The following DMGDH variants were observed in gnomAD, a reference collection of about 807,000 sequenced individuals.
The protein encoded by DMGDH is dimethylglycine dehydrogenase, mitochondrial.
Under a neutral mutation model 95.2 loss-of-function variants are expected in DMGDH, and 76 were observed. The ratio of observed to expected loss-of-function variants is 0.80; its 90% CI spans 0.66 to 0.97. DMGDH has a LOEUF of 0.97. DMGDH is among the 50% of genes least tolerant of loss of function. The pLI is 0.00. For synonymous variants in DMGDH, 345 were observed against 377.6 expected, an observed-to-expected ratio of 0.91 and a Z score of 1.00; for missense variants, 987 against 1,055.0, an observed-to-expected ratio of 0.94 and a Z score of 0.89.
chr5:79,021,283 T>C, intron 14 of DMGDH: 3 of 1,080,840 alleles, frequency 2.8e-6, no homozygotes, highest in Middle Eastern at 4.5e-4. Context: ...TCCCTACAGC[T>C]TTAGTTCCTG....
rs564751250 is a variant in DMGDH at position 79,042,344 on chromosome 5, T to C, written c.1132A>G (p.Ile378Val). Residue 378 changes from isoleucine to valine, a missense_variant, in exon 7 of 16, where the codon ATT (isoleucine) becomes GTT (valine). Ile to Val is a conservative substitution (Grantham distance 29). Transcript: ENST00000255189. ...VNGPITYSPD[I>V]LPMVGPHQGV... ...TGATGGGGCCCCACCATAGGCAGAA[T>C]GTCAGGAGAATACGTGATAGGACCA... 17 of 1,614,222 alleles carry C rather than the reference T, an allele frequency of 1.1e-5. No individual in the cohort carries two copies. In the South Asian group the frequency reaches 1.6e-4, roughly 16 times the overall value.
At chr5:79,016,071 A>G (rs1753727335) in intron 14 of DMGDH, among the ~76,000 whole-genome samples, 1 of 151,834 alleles carries the variant, frequency 6.6e-6, no homozygotes, top group African/African-American at 2.4e-5. Flanking sequence ...CGTCTCTACT[A>G]AAAAAATACA....
chr5:79,032,394 G>T (rs1990900), intron 9 of DMGDH, among the ~76,000 whole-genome samples: 3 of 152,160 alleles, frequency 2.0e-5, no homozygotes, highest in Non-Finnish European at 4.4e-5. Context: ...ACTGAAGCCA[G>T]GTGGGAATTT....
At chr5:79,033,189 C>A in intron 8 of DMGDH, 50 bp downstream of exon 8, 1 of 1,608,814 alleles carries the variant, frequency 6.2e-7, no homozygotes, top group South Asian at 1.1e-5. Flanking sequence ...AGAGATGCTA[C>A]AATTCAATTC....
At chr5:79,029,392 G>A (rs947841640) in intron 11 of DMGDH, among the ~76,000 whole-genome samples, 11 of 152,126 alleles carry the variant, frequency 7.2e-5, no homozygotes, top group African/African-American at 2.7e-4. Flanking sequence ...ATAGAATGAA[G>A]ATTCATGTAA....
At chr5:79,021,100 T>C (rs1753855604) in intron 14 of DMGDH, 3 of 986,012 alleles carry the variant, frequency 3.0e-6, no homozygotes, top group Non-Finnish European at 3.6e-6. Flanking sequence ...GGTGAAGCGT[T>C]TTTAGTTAAG....
At chr5:79,064,876 T>C (rs903367922) in intron 1 of DMGDH, among the ~76,000 whole-genome samples, 21 of 152,146 alleles carry the variant, frequency 1.4e-4, no homozygotes, top group African/African-American at 5.1e-4. Context: ...CAGCCTCCCA[T>C]GTAGCTGGGA....
intron 7 of DMGDH, among the ~76,000 whole-genome samples, chr5:79,037,382 T>A (rs188357565): frequency 8.6e-4 from 131 of 152,262 alleles, no homozygotes; most frequent in Middle Eastern, 3.4e-3. Context: ...ACCACTGGCC[T>A]CCAGAGCCAT....
chr5:79,000,515 C>A, intron 15 of DMGDH: 1 of 598,188 alleles, frequency 1.7e-6, no homozygotes. Flanking sequence ...ATGCCATGAT[C>A]AATCAGAGAT....
intron 5 of DMGDH, among the ~76,000 whole-genome samples, chr5:79,050,248 CAAAAAAAAAAAAAAA>C (rs57662602): frequency 5.1e-5 from 4 of 78,650 alleles, no homozygotes; most frequent in East Asian, 3.0e-4. Flanking sequence ...AACTTTGTCT[CAAAAAAAAAAAAAAA>C]AAAAAAAAAA....
chr5:79,003,575 G>A (rs542440424), intron 15 of DMGDH, among the ~76,000 whole-genome samples: 15 of 152,346 alleles, frequency 9.8e-5, no homozygotes, highest in African/African-American at 2.4e-4. Flanking sequence ...AGGCACTTGA[G>A]ATCTGAGAAA....
chr5:79,060,882 T>A (rs901486477), intron 2 of DMGDH, among the ~76,000 whole-genome samples: 5 of 147,226 alleles, frequency 3.4e-5, no homozygotes, highest in African/African-American at 1.3e-4. Flanking sequence ...CATGCCACTG[T>A]ACTCCAGCCT....
chr5:79,047,603 G>A (rs189770364), intron 5 of DMGDH, among the ~76,000 whole-genome samples: 8 of 152,208 alleles, frequency 5.3e-5, no homozygotes, highest in South Asian at 2.1e-4. Flanking sequence ...ACCTGCCCGC[G>A]TCCCTGAGCT....
intron 14 of DMGDH, among the ~76,000 whole-genome samples, chr5:79,014,781 T>C (rs1223591068): frequency 6.6e-6 from 1 of 152,206 alleles, no homozygotes; most frequent in Non-Finnish European, 1.5e-5. Context: ...GAAATGCTCA[T>C]AGATTAAGCA....
intron 1 of DMGDH, among the ~76,000 whole-genome samples, chr5:79,068,037 C>A (rs930403577): frequency 6.6e-6 from 1 of 152,110 alleles, no homozygotes; most frequent in Non-Finnish European, 1.5e-5. Flanking sequence ...CCCGCCTCAG[C>A]CTCCCAAGCA....
At chr5:79,005,453 G>A (rs992164265) in intron 14 of DMGDH, 46 bp from the exon 15 acceptor site, 1 of 1,613,186 alleles carries the variant, frequency 6.2e-7, no homozygotes, top group East Asian at 2.2e-5. Flanking sequence ...CTCAGACACT[G>A]TGACAAGGTT....
intron 5 of DMGDH, among the ~76,000 whole-genome samples, chr5:79,050,260 AAAAAAAAAAAAAAAT>A (rs1394098594): frequency 9.2e-4 from 54 of 58,978 alleles, no homozygotes; most frequent in Non-Finnish European, 1.4e-3. Context: ...AAAAAAAAAA[AAAAAAAAAAAAAAAT>A]ATATATATAT....
rs552607416 is a variant in DMGDH, at chr5:79,047,507, C to T, written c.746-2955G>A. ...TCTTAAGTAAATTTTACAAAGTTAT[C>T]TCAGATTTAATGAGTCAATTGGAAA... On this transcript the variant is annotated intron_variant, in intron 5 of 15. Transcript: ENST00000255189. Among the ~76,000 whole-genome samples the T allele has an allele frequency of 9.9e-5, 15 of 152,228 alleles. No individual in the cohort carries two copies. The East Asian group carries it at 1.9e-3, about 20-fold the overall frequency.
intron 14 of DMGDH, chr5:79,021,285 T>C: frequency 9.3e-7 from 1 of 1,080,692 alleles, no homozygotes; most frequent in African/African-American, 1.6e-5. Context: ...CCTACAGCTT[T>C]AGTTCCTGAA....
Sources: allele counts gnomAD v4.1 joint callset (sites outside exome capture counted in the v4.1 genomes callset), GRCh38; gene constraint gnomAD v4.1.1; transcripts MANE v1.5; gene names NCBI Gene and HGNC (gene_info 2026-07-23, HGNC 2026-07-21).